Variants in THRB observed in about 807,000 individuals in gnomAD.
THRB encodes the protein thyroid hormone receptor beta, also known as nuclear receptor subfamily 1 group A member 2.
Under a neutral mutation model 47.8 loss-of-function variants are expected in THRB, and 12 were observed. The ratio of observed to expected loss-of-function variants is 0.25; its 90% CI spans 0.16 to 0.41. THRB has a LOEUF of 0.41. Ranked by LOEUF, THRB falls within the 10% of genes least tolerant of loss-of-function variation. The pLI is 1.00. For synonymous variants in THRB, 218 were observed against 212.2 expected, an observed-to-expected ratio of 1.03 and a Z score of -0.24; for missense variants, 348 against 589.2, an observed-to-expected ratio of 0.59 and a Z score of 4.24.
chr3:24,269,383 TCACACGCGCGCG>T (rs1452599008), intron 3 of THRB, among the ~76,000 whole-genome samples: 3 of 103,756 alleles, frequency 2.9e-5, no homozygotes, highest in African/African-American at 1.1e-4. Context: ...TCATCATAGC[TCACACGCGCGCG>T]CGCGCGCGCA....
chr3:24,365,529 G>A (rs1343793861), intron 1 of THRB, among the ~76,000 whole-genome samples: 2 of 152,144 alleles, frequency 1.3e-5, no homozygotes, highest in African/African-American at 2.4e-5. Flanking sequence ...ACTTTGTAAA[G>A]AGCAAATCCA....
chr3:24,143,794 C>T (rs777120933), intron 7 of THRB, 88 bp from the exon 8 acceptor site: 9 of 1,375,958 alleles, frequency 6.5e-6, no homozygotes, highest in Non-Finnish European at 9.3e-6. Context: ...AGGAGTGGGA[C>T]CACTGATGCA....
At chr3:24,257,622 T>A (rs910960225) in intron 3 of THRB, among the ~76,000 whole-genome samples, 1 of 152,222 alleles carries the variant, frequency 6.6e-6, no homozygotes, top group South Asian at 2.1e-4. Context: ...TTTTTGCAAT[T>A]ACTCAACCAT....
chr3:24,424,892 A>G (rs566173009), intron 1 of THRB, among the ~76,000 whole-genome samples: 19 of 151,976 alleles, frequency 1.3e-4, no homozygotes, highest in Non-Finnish European at 2.2e-4. Context: ...CAAATTTTGC[A>G]TACTGTTAAA....
At chr3:24,360,295 C>G (rs982246706) in intron 1 of THRB, among the ~76,000 whole-genome samples, 2 of 152,210 alleles carry the variant, frequency 1.3e-5, no homozygotes, top group South Asian at 4.2e-4. Flanking sequence ...GTTCACAGAG[C>G]GAAAATGTAG....
chr3:24,124,438 ATAT>A (rs554979863), intron 10 of THRB, among the ~76,000 whole-genome samples: 477 of 152,280 alleles, frequency 3.1e-3, no homozygotes, highest in African/African-American at 0.011. Flanking sequence ...GAAGATCAAC[ATAT>A]TATTGCTTTG....
intron 1 of THRB, among the ~76,000 whole-genome samples, chr3:24,401,816 T>C (rs1296223963): frequency 6.6e-6 from 1 of 152,056 alleles, no homozygotes; most frequent in South Asian, 2.1e-4. Context: ...ACCTACAGAA[T>C]AAGACGCTCT....
intron 2 of THRB, among the ~76,000 whole-genome samples, chr3:24,298,645 A>G (rs1481803169): frequency 2.6e-5 from 4 of 152,228 alleles, no homozygotes; most frequent in Non-Finnish European, 5.9e-5. Context: ...AACTCTGTAC[A>G]GATAAGAATT....
chr3:24,266,014 TCA>T (rs2052611690), intron 3 of THRB, among the ~76,000 whole-genome samples: 2 of 152,336 alleles, frequency 1.3e-5, no homozygotes, highest in East Asian at 3.9e-4. Context: ...TGCATCTATT[TCA>T]CAGTCATAAT....
At chr3:24,486,036 G>T (rs978183228) in intron 1 of THRB, among the ~76,000 whole-genome samples, 2 of 151,992 alleles carry the variant, frequency 1.3e-5, no homozygotes, top group Non-Finnish European at 2.9e-5. Context: ...AGTTCCAAAC[G>T]TCTACACCAG....
At chr3:24,185,337 T>C (rs990066801) in intron 5 of THRB, among the ~76,000 whole-genome samples, 3 of 152,192 alleles carry the variant, frequency 2.0e-5, no homozygotes, top group Non-Finnish European at 4.4e-5. Context: ...AAAATACACA[T>C]GCACAGAGAA....
chr3:24,204,451 T>C (rs1027271913), intron 4 of THRB, among the ~76,000 whole-genome samples: 2 of 152,072 alleles, frequency 1.3e-5, no homozygotes, highest in Non-Finnish European at 2.9e-5. Flanking sequence ...TCCTGACTGG[T>C]AGAAGGAAAA....
intron 5 of THRB, among the ~76,000 whole-genome samples, chr3:24,180,837 T>C (rs935044996): frequency 1.3e-5 from 2 of 152,166 alleles, no homozygotes; most frequent in Non-Finnish European, 2.9e-5. Flanking sequence ...TAGACTGCAA[T>C]GCCACTATCA....
intron 1 of THRB, among the ~76,000 whole-genome samples, chr3:24,372,458 C>A (rs867910724): frequency 4.6e-5 from 7 of 152,060 alleles, no homozygotes; most frequent in Admixed American, 2.0e-4. Context: ...TAAGCATGCA[C>A]AATATGGAGT....
rs377185272 is a variant in THRB, at chr3:24,361,772, G to A, written c.-260-24401C>T. Among the ~76,000 whole-genome samples, 3 of 152,114 alleles carry A rather than the reference G, an allele frequency of 2.0e-5. No individual in the cohort carries two copies. In the South Asian group the frequency reaches 6.2e-4, roughly 32 times the overall value. On this transcript the variant is annotated intron_variant, in intron 1 of 10. Transcript: ENST00000646209. ...GGTCTCTAATGATGTGAAGCTGGGTGGTAAAGGCACTGGGGGCTTACGTCA... is the reference window on the plus strand; with the variant it reads ...GGTCTCTAATGATGTGAAGCTGGGTAGTAAAGGCACTGGGGGCTTACGTCA...
intron 1 of THRB, among the ~76,000 whole-genome samples, chr3:24,357,745 C>A (rs1389959023): frequency 1.3e-5 from 2 of 152,114 alleles, no homozygotes; most frequent in African/African-American, 4.8e-5. Context: ...TTAAAGCATT[C>A]CCCTAGTGAC....
intron 5 of THRB, among the ~76,000 whole-genome samples, chr3:24,161,233 T>C (rs2038764304): frequency 6.6e-6 from 1 of 152,224 alleles, no homozygotes; most frequent in African/African-American, 2.4e-5. Flanking sequence ...TGTGTGGCAG[T>C]ACCTAATTTA....
At chr3:24,483,710 AGGAGGGT>A (rs2125900511) in intron 1 of THRB, among the ~76,000 whole-genome samples, 1 of 152,342 alleles carries the variant, frequency 6.6e-6, no homozygotes, top group South Asian at 2.1e-4. Flanking sequence ...TAGGTCAGAT[AGGAGGGT>A]GGTATGGCAC....
chr3:24,269,441 A>ACACT, intron 3 of THRB, among the ~76,000 whole-genome samples: 1 of 142,244 alleles, frequency 7.0e-6, no homozygotes, highest in Admixed American at 7.0e-5. Flanking sequence ...ACACACACAC[A>ACACT]CTTAAGTTAT....
Sources: allele counts gnomAD v4.1 joint callset (sites outside exome capture counted in the v4.1 genomes callset), GRCh38; gene constraint gnomAD v4.1.1; transcripts MANE v1.5; gene names NCBI Gene and HGNC (gene_info 2026-07-23, HGNC 2026-07-21).